Variants in GALNT13 observed in about 807,000 individuals in gnomAD.
The protein encoded by GALNT13 is UDP-GalNAc:polypeptide N-acetylgalactosaminyltransferase 13.
In GALNT13, 28 loss-of-function variants were observed where a neutral mutation model predicts 64.2. The observed-to-expected ratio is 0.44, with a 90% CI of 0.32 to 0.60. The LOEUF is 0.60. Ranked by LOEUF, GALNT13 falls within the 20% of genes least tolerant of loss-of-function variation. GALNT13 has a pLI of 0.05. For missense variants in GALNT13, 577 were observed against 669.8 expected (o/e 0.86, Z 1.53); for synonymous variants, 214 against 224.6 (o/e 0.95, Z 0.42).
the GALNT13 span, among the ~76,000 whole-genome samples, chr2:153,248,609 G>C: frequency 0.83 from 126,027 of 151,150 alleles, 53,770 homozygotes; most frequent in African/African-American, 0.93. Context: ...GTCAGGAGAT[G>C]GCGACCATCC....
At chr2:154,435,830 C>G (rs973424891) in intron 11 of GALNT13, 12 of 152,150 alleles carry the variant, frequency 7.9e-5, no homozygotes, top group African/African-American at 1.2e-4. Flanking sequence ...TCAGTATACC[C>G]AAAGTGAATT....
chr2:154,266,160 A>T (rs180752496), intron 8 of GALNT13, among the ~76,000 whole-genome samples: 28 of 152,230 alleles, frequency 1.8e-4, no homozygotes, highest in African/African-American at 6.0e-4. Flanking sequence ...GAGCAAAAAA[A>T]CCTACACATA....
At chr2:153,654,995 G>T in the GALNT13 span, among the ~76,000 whole-genome samples, 16 of 152,156 alleles carry the variant, frequency 1.1e-4, no homozygotes, top group Non-Finnish European at 2.2e-4. Context: ...CTTATGTTAA[G>T]TATTAAGTAA....
chr2:154,402,613 G>A (rs979780370), intron 10 of GALNT13, among the ~76,000 whole-genome samples: 9 of 152,202 alleles, frequency 5.9e-5, no homozygotes, highest in African/African-American at 2.2e-4. Context: ...AGATCTTAGA[G>A]CTACCAGTGT....
chr2:154,103,511 T>C (rs62171163), intron 3 of GALNT13, among the ~76,000 whole-genome samples: 3,659 of 152,314 alleles, frequency 0.024, 74 homozygotes, highest in Non-Finnish European at 0.036. Context: ...TCCATTGATA[T>C]ACAGCTTGCA....
chr2:153,378,884 T>C, the GALNT13 span, among the ~76,000 whole-genome samples: 1 of 152,186 alleles, frequency 6.6e-6, no homozygotes, highest in Non-Finnish European at 1.5e-5. Context: ...GTCCAGAGTG[T>C]TGGCAGACTA....
chr2:153,469,633 T>A, the GALNT13 span, among the ~76,000 whole-genome samples: 20 of 152,190 alleles, frequency 1.3e-4, no homozygotes, highest in South Asian at 3.9e-3. Context: ...TTAGGAATGT[T>A]TCCAAGAAAA....
At chr2:153,793,304 T>A in the GALNT13 span, among the ~76,000 whole-genome samples, 1 of 152,034 alleles carries the variant, frequency 6.6e-6, no homozygotes, top group Admixed American at 6.6e-5. Flanking sequence ...TTAAAGGCTT[T>A]AAAAAAAATA....
At chr2:154,098,935 A>T (rs1014358959) in intron 3 of GALNT13, among the ~76,000 whole-genome samples, 1 of 151,824 alleles carries the variant, frequency 6.6e-6, no homozygotes, top group African/African-American at 2.4e-5. Flanking sequence ...GGGTAGATAC[A>T]CAGTAGTGGA....
chr2:153,385,265 C>T, the GALNT13 span, among the ~76,000 whole-genome samples: 2 of 151,970 alleles, frequency 1.3e-5, no homozygotes, highest in Non-Finnish European at 2.9e-5. Flanking sequence ...TTAACAATAA[C>T]TAAATGTGGA....
intron 3 of GALNT13, among the ~76,000 whole-genome samples, chr2:154,046,650 T>A (rs1355764929): frequency 6.6e-6 from 1 of 152,168 alleles, no homozygotes; most frequent in Non-Finnish European, 1.5e-5. Context: ...TGTAACCATA[T>A]TTGGATATAA....
the GALNT13 span, among the ~76,000 whole-genome samples, chr2:153,463,297 G>T: frequency 6.6e-6 from 1 of 152,078 alleles, no homozygotes; most frequent in Non-Finnish European, 1.5e-5. Context: ...GTATTAGGGA[G>T]CGGCCATATT....
At chr2:153,192,118 G>A in the GALNT13 span, among the ~76,000 whole-genome samples, 1 of 151,524 alleles carries the variant, frequency 6.6e-6, no homozygotes, top group Non-Finnish European at 1.5e-5. Context: ...TTAATTCCTT[G>A]AGGTACATCT....
rs1265563832 is a variant in GALNT13 at position 154,034,522 on chromosome 2, A to G, written c.142+89883A>G. 8.0e-5 allele frequency among the ~76,000 whole-genome samples: 12 copies of G among 150,500 alleles called. 1 individual carries two copies. On this transcript the variant is annotated intron_variant, in intron 3 of 12. Transcript: ENST00000392825. ...TAATGGTAAAGTCTGAGCTTTTAGT[A>G]TAACCATCACTTGAATAGTGTACGT... is the stretch of plus-strand genomic sequence containing the variant.
chr2:153,417,193 C>G, the GALNT13 span, among the ~76,000 whole-genome samples: 1 of 152,000 alleles, frequency 6.6e-6, no homozygotes, highest in Non-Finnish European at 1.5e-5. Flanking sequence ...CAATAATGTT[C>G]CAGGAATGAA....
chr2:153,176,212 A>G, the GALNT13 span, among the ~76,000 whole-genome samples: 1 of 152,168 alleles, frequency 6.6e-6, no homozygotes, highest in East Asian at 1.9e-4. Flanking sequence ...AGGCTAATTA[A>G]AAGTGCTACC....
chr2:154,266,809 A>G (rs962478372), intron 8 of GALNT13, among the ~76,000 whole-genome samples: 1 of 151,808 alleles, frequency 6.6e-6, no homozygotes, highest in Non-Finnish European at 1.5e-5. Context: ...ATCTATATTG[A>G]TAAGCAATAG....
intron 7 of GALNT13, among the ~76,000 whole-genome samples, chr2:154,247,037 G>A (rs1484456244): frequency 6.6e-6 from 1 of 151,902 alleles, no homozygotes; most frequent in African/African-American, 2.4e-5. Flanking sequence ...ATTATATAAA[G>A]AATTAATTAA....
At chr2:153,525,261 A>C in the GALNT13 span, among the ~76,000 whole-genome samples, 19 of 152,188 alleles carry the variant, frequency 1.2e-4, no homozygotes, top group African/African-American at 4.1e-4. Context: ...AAGGTACTAC[A>C]TTGAGGGCTC....
Sources: gnomAD v4.1 joint callset for allele counts (sites outside exome capture counted in the v4.1 genomes callset) on GRCh38, gnomAD v4.1.1 for gene constraint, MANE v1.5 for transcripts, NCBI Gene and HGNC (gene_info 2026-07-23, HGNC 2026-07-21) for gene names.